FTO: variants seen among roughly 807,000 people sequenced by gnomAD.
The protein encoded by FTO is FTO alpha-ketoglutarate dependent dioxygenase.
Under a neutral mutation model 63.9 loss-of-function variants are expected in FTO, and 47 were observed. The ratio of observed to expected loss-of-function variants is 0.74; its 90% CI spans 0.58 to 0.94. The LOEUF is 0.94. Ranked by LOEUF, FTO falls within the 40% of genes least tolerant of loss-of-function variation. The pLI, the probability that FTO is intolerant of heterozygous loss-of-function variation, is 0.00. For synonymous variants in FTO, 207 were observed against 224.4 expected (o/e 0.92, Z 0.69); for missense variants, 562 against 618.1 (o/e 0.91, Z 0.96).
At chr16:54,062,473 C>T (rs1183972284) in intron 8 of FTO, among the ~76,000 whole-genome samples, 1 of 152,146 alleles carries the variant, frequency 6.6e-6, no homozygotes, top group African/African-American at 2.4e-5. Flanking sequence ...CAGTGCCTCA[C>T]CTAAGAGCAG....
At chr16:54,053,566 C>A (rs964684650) in intron 8 of FTO, among the ~76,000 whole-genome samples, 3 of 152,198 alleles carry the variant, frequency 2.0e-5, no homozygotes, top group Admixed American at 1.3e-4. Flanking sequence ...TGGGGCTTCT[C>A]ACATATATTC....
chr16:53,725,941 A>T (rs1287756129), intron 1 of FTO, among the ~76,000 whole-genome samples: 5 of 152,244 alleles, frequency 3.3e-5, no homozygotes, highest in Non-Finnish European at 7.3e-5. Flanking sequence ...GATCCTAGCT[A>T]GTCACTTAAT....
intron 2 of FTO, among the ~76,000 whole-genome samples, chr16:53,813,762 G>T (rs2078597590): frequency 6.6e-6 from 1 of 152,096 alleles, no homozygotes; most frequent in South Asian, 2.1e-4. Context: ...TAGGCTTTGT[G>T]CTACATGTTT....
intron 8 of FTO, among the ~76,000 whole-genome samples, chr16:53,969,482 A>G (rs934430985): frequency 2.6e-5 from 4 of 152,132 alleles, no homozygotes; most frequent in Non-Finnish European, 5.9e-5. Flanking sequence ...CTATTAATTC[A>G]TCTACCAACA....
chr16:53,793,824 C>T (rs1192821335), intron 1 of FTO, among the ~76,000 whole-genome samples: 2 of 152,108 alleles, frequency 1.3e-5, no homozygotes, highest in African/African-American at 4.8e-5. Flanking sequence ...TCAAATGGGA[C>T]AAAACCCAGA....
At chr16:53,846,727 G>C (rs111853656) in intron 4 of FTO, among the ~76,000 whole-genome samples, 1 of 151,480 alleles carries the variant, frequency 6.6e-6, no homozygotes, top group East Asian at 1.9e-4. Context: ...GCTTGAACCC[G>C]GGAGGTGGAA....
At chr16:54,002,784 A>C (rs1186405810) in intron 8 of FTO, among the ~76,000 whole-genome samples, 1 of 152,232 alleles carries the variant, frequency 6.6e-6, no homozygotes, top group African/African-American at 2.4e-5. Context: ...GATAGAGAAA[A>C]ATTGGAGCCC....
intron 8 of FTO, among the ~76,000 whole-genome samples, chr16:54,088,557 C>T (rs708256): frequency 0.55 from 83,013 of 152,044 alleles, 23,826 homozygotes; most frequent in African/African-American, 0.73. Flanking sequence ...ACACCTCCTT[C>T]TTGATGGTAA....
chr16:53,735,305 AG>A (rs1486803171), intron 1 of FTO, among the ~76,000 whole-genome samples: 2 of 152,224 alleles, frequency 1.3e-5, no homozygotes, highest in Non-Finnish European at 2.9e-5. Context: ...TAGACACAGG[AG>A]ATACTGCAGT....
intron 7 of FTO, among the ~76,000 whole-genome samples, chr16:53,893,722 G>A (rs76297871): frequency 6.6e-6 from 1 of 151,878 alleles, no homozygotes; most frequent in Non-Finnish European, 1.5e-5. Flanking sequence ...ATCGTTTCCA[G>A]AGTAAACATT....
At chr16:54,094,206 G>A (rs1356296481) in intron 8 of FTO, among the ~76,000 whole-genome samples, 16 of 152,160 alleles carry the variant, frequency 1.1e-4, no homozygotes, top group African/African-American at 3.9e-4. Context: ...GCCCAGGTGG[G>A]AAACTTGTGG....
At chr16:53,709,763 A>G (rs1033070840) in intron 1 of FTO, among the ~76,000 whole-genome samples, 1 of 152,192 alleles carries the variant, frequency 6.6e-6, no homozygotes, top group Non-Finnish European at 1.5e-5. Flanking sequence ...CTTTCTCGCC[A>G]TATATATCCA....
intron 1 of FTO, among the ~76,000 whole-genome samples, chr16:53,780,680 G>A (rs888118309): frequency 2.2e-4 from 34 of 152,108 alleles, no homozygotes; most frequent in African/African-American, 7.7e-4. Context: ...ATTCAGCCTA[G>A]ATTTTATTTT....
At chr16:53,739,371 GTTTTTT>G (rs57891950) in intron 1 of FTO, among the ~76,000 whole-genome samples, 2 of 137,224 alleles carry the variant, frequency 1.5e-5, no homozygotes, top group Non-Finnish European at 3.2e-5. Flanking sequence ...ACACCTGGCT[GTTTTTT>G]TTTTTTTTTT....
At chr16:53,766,740 CT>C (rs2077213932) in intron 1 of FTO, among the ~76,000 whole-genome samples, 1 of 152,102 alleles carries the variant, frequency 6.6e-6, no homozygotes, top group African/African-American at 2.4e-5. Context: ...GGGTTAAAGC[CT>C]TAGAACTCTT....
intron 1 of FTO, among the ~76,000 whole-genome samples, chr16:53,750,000 C>G (rs912448840): frequency 6.6e-6 from 1 of 152,092 alleles, no homozygotes; most frequent in African/African-American, 2.4e-5. Flanking sequence ...CATCAGTTAT[C>G]AAAGAATCTG....
intron 2 of FTO, among the ~76,000 whole-genome samples, chr16:53,822,189 T>A (rs753797695): frequency 2.0e-5 from 3 of 152,194 alleles, no homozygotes; most frequent in Non-Finnish European, 4.4e-5. Flanking sequence ...AGCTAGTGAT[T>A]CACCTTAACT....
At chr16:53,831,437 A>G (rs2079141900) in intron 3 of FTO, among the ~76,000 whole-genome samples, 1 of 139,418 alleles carries the variant, frequency 7.2e-6, no homozygotes. Flanking sequence ...AGAGCCAAGA[A>G]GGCTCACAAG....
At chr16:54,036,610 G>T (rs1468947474) in intron 8 of FTO, among the ~76,000 whole-genome samples, 2 of 151,874 alleles carry the variant, frequency 1.3e-5, no homozygotes, top group Admixed American at 6.6e-5. Flanking sequence ...TCTAGGGTCA[G>T]AAATAGTTAA....
Sources: allele counts gnomAD v4.1 joint callset (sites outside exome capture counted in the v4.1 genomes callset), GRCh38; gene constraint gnomAD v4.1.1; transcripts MANE v1.5; gene names NCBI Gene and HGNC (gene_info 2026-07-23, HGNC 2026-07-21).